Variants in SLC26A7 observed in about 807,000 individuals in gnomAD.
SLC26A7 encodes the protein anion exchange transporter.
Under a neutral mutation model 82.5 loss-of-function variants are expected in SLC26A7, and 59 were observed. The observed-to-expected ratio is 0.72, with a 90% confidence interval of 0.58 to 0.89. The LOEUF (loss-of-function observed/expected upper bound fraction) is 0.89, where lower values mean the gene tolerates loss of function less well. SLC26A7 is among the 40% of genes least tolerant of loss of function. SLC26A7 has a pLI of 0.00. For synonymous variants in SLC26A7, 271 were observed against 274.3 expected (o/e 0.99, Z 0.12); for missense variants, 820 against 793.0 (o/e 1.03, Z -0.41).
At chr8:91,219,411 T>TA (rs1257456983) in intron 2 of SLC26A7, among the ~76,000 whole-genome samples, 1 of 152,146 alleles carries the variant, frequency 6.6e-6, no homozygotes, top group Non-Finnish European at 1.5e-5. Flanking sequence ...ATTTGTGTGA[T>TA]TTCATTTGAG....
chr8:91,338,295 G>A, intron 7 of SLC26A7, 63 bp downstream of exon 7: 2 of 1,178,506 alleles, frequency 1.7e-6, no homozygotes, highest in South Asian at 2.9e-5. Context: ...TGGAGAAAGG[G>A]ACAGGGAGTG....
chr8:91,312,457 C>T (rs1246038032), intron 4 of SLC26A7, among the ~76,000 whole-genome samples: 2 of 152,050 alleles, frequency 1.3e-5, no homozygotes, highest in African/African-American at 4.8e-5. Flanking sequence ...TGTTTATTTG[C>T]ATGTATACCC....
rs544885461 is a variant in SLC26A7, at chr8:91,218,920, G to A, written c.-119G>A. On this transcript the variant is annotated 5_prime_UTR_variant, in exon 2 of 6. Coordinates refer to the SLC26A7 transcript ENST00000522862. Reference sequence around the variant, plus strand: ...GAAGATAAGCAAGAATCTGAAGCTGGTGCCTCTCCAAGTATTAATTTGTTC... The same window carrying A: ...GAAGATAAGCAAGAATCTGAAGCTGATGCCTCTCCAAGTATTAATTTGTTC... 2 of 1,550,166 alleles carry A rather than the reference G, an allele frequency of 1.3e-6. No homozygotes were observed. Among genetic ancestry groups the A allele is most frequent in the East Asian group, 4.9e-5 (2 of 40,886 alleles).
chr8:91,272,692 G>C (rs1473021596), intron 2 of SLC26A7, among the ~76,000 whole-genome samples: 1 of 152,150 alleles, frequency 6.6e-6, no homozygotes, highest in African/African-American at 2.4e-5. Flanking sequence ...TGAAACTGGA[G>C]AATTTAACAT....
chr8:91,346,251 G>T (rs1320633480), intron 9 of SLC26A7, among the ~76,000 whole-genome samples: 2 of 152,024 alleles, frequency 1.3e-5, no homozygotes, highest in Non-Finnish European at 2.9e-5. Context: ...AATTTAATGT[G>T]CATACTCAAA....
intron 2 of SLC26A7, among the ~76,000 whole-genome samples, chr8:91,232,466 G>A (rs972153668): frequency 3.9e-5 from 6 of 152,120 alleles, no homozygotes; most frequent in Admixed American, 1.3e-4. Flanking sequence ...AACATACTAC[G>A]TTCCTTACAA....
chr8:91,272,981 C>T (rs4582515), intron 2 of SLC26A7, among the ~76,000 whole-genome samples: 16,782 of 152,080 alleles, frequency 0.11, 1,100 homozygotes, highest in Middle Eastern at 0.21. Context: ...GGACAAATTC[C>T]ATCCATATTA....
At position 91,310,936 on chromosome 8, in the gene SLC26A7, T is replaced by G. The variant is rs371651181; in HGVS notation, c.478-7280T>G. Among the ~76,000 whole-genome samples, 190 of 152,250 alleles carry G rather than the reference T, an allele frequency of 1.2e-3. 5 individuals carry two copies. In the South Asian group the frequency reaches 0.027, roughly 22 times the overall value. On this transcript the variant is annotated intron_variant, in intron 4 of 18. Coordinates refer to ENST00000276609, the MANE Select transcript of SLC26A7 (RefSeq NM_052832.4). ...TTTACTTTTTTTTTTCCATTCCTGC[T>G]CTAAAGCTTTCTAATAAACTTTCAA...
rs200788056 is a variant in SLC26A7, at chr8:91,249,815, T to A, written c.164T>A (p.Ile55Lys). The A allele has an allele frequency of 2.0e-4, 319 of 1,607,648 alleles. 1 individual carries two copies. Among genetic ancestry groups the A allele is most frequent in the South Asian group, 4.6e-4 (41 of 89,654 alleles). The change falls in exon 2 of 19, where the codon ATA becomes AAA. Residue 55 changes from isoleucine to lysine, a missense_variant. Coordinates refer to ENST00000276609, the MANE Select transcript of SLC26A7 (RefSeq NM_052832.4). ...ENLLPDTVSGIMLAVQQVTQG... is the reference protein window; with the variant it reads ...ENLLPDTVSGKMLAVQQVTQG... ...TTGCTTCCAGACACTGTGTCTGGGA[T>A]AATGTTGGCAGTTCAACAGGTGACC...
At chr8:91,219,076 A>C in intron 2 of SLC26A7, 1 of 664,056 alleles carries the variant, frequency 1.5e-6, no homozygotes, top group South Asian at 2.5e-5. Context: ...TGCCCTACTT[A>C]AGATACCATG....
chr8:91,304,774 C>T (rs1197646531), intron 4 of SLC26A7, among the ~76,000 whole-genome samples: 1 of 152,154 alleles, frequency 6.6e-6, no homozygotes, highest in Non-Finnish European at 1.5e-5. Context: ...CCACATTTTA[C>T]CTCATTAATA....
chr8:91,273,465 A>C (rs1187385886), intron 2 of SLC26A7, among the ~76,000 whole-genome samples: 1 of 152,192 alleles, frequency 6.6e-6, no homozygotes, highest in East Asian at 1.9e-4. Flanking sequence ...TGGTCTGTGA[A>C]TATCAGGGTG....
At chr8:91,366,491 C>T (rs1814194322) in intron 13 of SLC26A7, 89 bp from the exon 14 acceptor site, 1 of 1,391,292 alleles carries the variant, frequency 7.2e-7, no homozygotes, top group Non-Finnish European at 9.8e-7. Flanking sequence ...TGAGAGATTG[C>T]TTATAAAATT....
chr8:91,267,061 C>T (rs979220847), intron 2 of SLC26A7, among the ~76,000 whole-genome samples: 3 of 151,890 alleles, frequency 2.0e-5, no homozygotes, highest in African/African-American at 7.2e-5. Flanking sequence ...GTATTCTCAA[C>T]CTTCCTTGTG....
intron 4 of SLC26A7, among the ~76,000 whole-genome samples, chr8:91,309,370 A>C (rs1255797665): frequency 6.6e-6 from 1 of 151,754 alleles, no homozygotes; most frequent in Non-Finnish European, 1.5e-5. Context: ...ACCCTAATGC[A>C]TTACCAGAAT....
rs1808579965 is a variant in SLC26A7, at chr8:91,396,632, A to G, written c.*1535A>G. 1 of 152,082 alleles carries G rather than the reference A, an allele frequency of 6.6e-6. No individual in the cohort carries two copies. Among genetic ancestry groups the G allele is most frequent in the Admixed American group, 6.5e-5 (1 of 15,274 alleles). The allele number at this position is 152,082 out of a possible 1,614,324, so 9.4% of individuals were successfully genotyped here. ...TTCAATTTTGATTGAAATGAACTACAAAGAATAGTGTTTGTCCCTATGGTA... is the reference window on the plus strand; with the variant it reads ...TTCAATTTTGATTGAAATGAACTACGAAGAATAGTGTTTGTCCCTATGGTA... On this transcript the variant is annotated 3_prime_UTR_variant, in exon 19 of 19. Transcript: ENST00000276609.
At chr8:91,269,024 T>A (rs2130730776) in intron 2 of SLC26A7, among the ~76,000 whole-genome samples, 1 of 152,144 alleles carries the variant, frequency 6.6e-6, no homozygotes, top group East Asian at 1.9e-4. Context: ...TCAACTTACG[T>A]ATTTTATGTT....
At chr8:91,312,815 C>T (rs568936287) in intron 4 of SLC26A7, among the ~76,000 whole-genome samples, 32 of 152,144 alleles carry the variant, frequency 2.1e-4, no homozygotes, top group Non-Finnish European at 3.8e-4. Flanking sequence ...GATGTCTATA[C>T]ACATCCTTTG....
chr8:91,234,827 A>ACCTACCTCCTTCCTTCCTTCCTTC lies in SLC26A7; in HGVS notation c.-33-14791_-33-14790insCTACCTCCTTCCTTCCTTCCTTCC, dbSNP rs1386380375. 3.0e-4 allele frequency among the ~76,000 whole-genome samples: 28 copies of ACCTACCTCCTTCCTTCCTTCCTTC among 92,544 alleles called. 1 individual carries two copies. In the East Asian group the frequency reaches 6.2e-3, roughly 21 times the overall value. The allele number at this position is 92,544 out of a possible 152,430, so 60.7% of individuals were successfully genotyped here. A position where few individuals can be genotyped will look rare whatever the true frequency, so the allele number is the denominator to read the frequency against. ...TACCTACCTACCTACCTACCTACCT[A>ACCTACCTCCTTCCTTCCTTCCTTC]CTTCCTTCCTTCCTTCCTTCCTTCC... On this transcript the variant is annotated intron_variant, in intron 2 of 5. Transcript: ENST00000522862.
Sources: gnomAD v4.1 joint callset for allele counts (sites outside exome capture counted in the v4.1 genomes callset) on GRCh38, gnomAD v4.1.1 for gene constraint, MANE v1.5 for transcripts, NCBI Gene and HGNC (gene_info 2026-07-23, HGNC 2026-07-21) for gene names.